COL23A1: variants seen among roughly 807,000 people sequenced by gnomAD.
The protein encoded by COL23A1 is collagen alpha-1(XXIII) chain.
Under a neutral mutation model 99.3 loss-of-function variants are expected in COL23A1, and 97 were observed. That is an observed-to-expected ratio of 0.98 (90% CI 0.83 to 1.16). COL23A1 has a LOEUF of 1.16. COL23A1 is among the 50% of genes most tolerant of loss of function. COL23A1 has a pLI of 0.00. For synonymous variants in COL23A1, 320 were observed against 308.2 expected, an observed-to-expected ratio of 1.04 and a Z score of -0.40; for missense variants, 762 against 757.4, an observed-to-expected ratio of 1.01 and a Z score of -0.07.
chr5:178,282,883 T>G (rs1217575436), intron 5 of COL23A1, among the ~76,000 whole-genome samples: 5 of 152,016 alleles, frequency 3.3e-5, no homozygotes, highest in Admixed American at 6.6e-5. Context: ...CTTTTTTTTT[T>G]GAGACATGGT....
At chr5:178,345,231 A>G (rs1760893671) in intron 2 of COL23A1, 6 of 855,470 alleles carry the variant, frequency 7.0e-6, no homozygotes, top group Non-Finnish European at 1.1e-5. Context: ...CTTGATTTCT[A>G]TAATGTCCCT....
At chr5:178,312,022 C>T (rs543226885) in intron 2 of COL23A1, among the ~76,000 whole-genome samples, 13 of 152,280 alleles carry the variant, frequency 8.5e-5, no homozygotes, top group Admixed American at 7.2e-4. Context: ...TGGGCTACCG[C>T]GCCCGGCCTG....
At chr5:178,374,474 C>A (rs1017967376) in intron 2 of COL23A1, among the ~76,000 whole-genome samples, 1 of 152,200 alleles carries the variant, frequency 6.6e-6, no homozygotes, top group African/African-American at 2.4e-5. Context: ...TTTTTGAGTG[C>A]GGTTAAAATC....
chr5:178,464,890 C>G (rs1462581737), intron 2 of COL23A1, among the ~76,000 whole-genome samples: 2 of 152,206 alleles, frequency 1.3e-5, no homozygotes, highest in African/African-American at 4.8e-5. Context: ...CAAGGTCACA[C>G]AGTGGCTCTG....
intron 11 of COL23A1, among the ~76,000 whole-genome samples, chr5:178,260,130 G>C (rs527384257): frequency 6.6e-6 from 1 of 152,192 alleles, no homozygotes; most frequent in East Asian, 1.9e-4. Flanking sequence ...CAAAGAGGGC[G>C]AAAATGAAAG....
intron 3 of COL23A1, among the ~76,000 whole-genome samples, chr5:178,299,785 GCT>G (rs1199429991): frequency 2.0e-5 from 3 of 151,582 alleles, no homozygotes; most frequent in Non-Finnish European, 4.4e-5. Context: ...ACTGAGACTG[GCT>G]CTGTCACCCA....
chr5:178,363,677 C>T (rs1213939978), intron 2 of COL23A1, among the ~76,000 whole-genome samples: 2 of 152,226 alleles, frequency 1.3e-5, no homozygotes, highest in African/African-American at 2.4e-5. Context: ...GCCACAGAGC[C>T]GATGGCTGCT....
intron 2 of COL23A1, among the ~76,000 whole-genome samples, chr5:178,496,755 T>A (rs903815185): frequency 3.9e-5 from 6 of 152,108 alleles, no homozygotes; most frequent in Non-Finnish European, 7.4e-5. Context: ...TCCTGGCAGC[T>A]TGGGCAAAAA....
chr5:178,345,246 A>C, intron 2 of COL23A1: 1 of 789,610 alleles, frequency 1.3e-6, no homozygotes, highest in Non-Finnish European at 2.1e-6. Context: ...GTCCCTATTC[A>C]AGACAGACCT....
intron 1 of COL23A1, among the ~76,000 whole-genome samples, chr5:178,568,539 CCTCT>C (rs10563301): frequency 0.31 from 46,295 of 151,750 alleles, 7,338 homozygotes; most frequent in African/African-American, 0.4. Flanking sequence ...ACAATCACCC[CCTCT>C]ATTTTCAAAA....
intron 2 of COL23A1, among the ~76,000 whole-genome samples, chr5:178,342,932 C>T (rs1045049318): frequency 1.2e-4 from 19 of 152,170 alleles, no homozygotes; most frequent in Admixed American, 1.0e-3. Flanking sequence ...GAGAACATGA[C>T]GAAGGAGCAA....
At chr5:178,564,401 C>G (rs1476479407) in intron 1 of COL23A1, among the ~76,000 whole-genome samples, 1 of 151,852 alleles carries the variant, frequency 6.6e-6, no homozygotes, top group Admixed American at 6.6e-5. Context: ...ACAATCTTTA[C>G]TTCATGCTCT....
rs1013665934 is a variant in COL23A1 at position 178,434,047 on chromosome 5, C to T, written c.361+126635G>A. ...CACACCTTGATCTCAGAGCTCCAGC[C>T]TCCGGGCCTGAGAAAATAAATGTCC... is the stretch of plus-strand genomic sequence containing the variant. On this transcript the variant is annotated intron_variant, in intron 2 of 28. Coordinates refer to ENST00000390654, the MANE Select transcript of COL23A1 (RefSeq NM_173465.4). This position sits in a 1 kb window ranked among gnomAD's most constrained non-coding sequence, Gnocchi z 4.3. Among the ~76,000 whole-genome samples, 1 of 152,196 alleles carries T rather than the reference C, an allele frequency of 6.6e-6. No homozygotes were observed. Among genetic ancestry groups the T allele is most frequent in the Admixed American group, 6.5e-5 (1 of 15,272 alleles).
chr5:178,315,957 C>T (rs1449929372), intron 2 of COL23A1, among the ~76,000 whole-genome samples: 2 of 151,960 alleles, frequency 1.3e-5, no homozygotes, highest in East Asian at 1.9e-4. Context: ...TTTTATTCAC[C>T]TACTTTTTAA....
At chr5:178,290,488 G>A in intron 3 of COL23A1, 119 bp from the exon 4 acceptor site, 1 of 1,293,588 alleles carries the variant, frequency 7.7e-7, no homozygotes, top group Non-Finnish European at 1.1e-6. Context: ...TCCCCGGAAG[G>A]CTTTGATGCT....
intron 2 of COL23A1, among the ~76,000 whole-genome samples, chr5:178,512,743 C>T (rs1759280612): frequency 6.6e-6 from 1 of 152,190 alleles, no homozygotes; most frequent in African/African-American, 2.4e-5. Context: ...GACATTCTCA[C>T]GCCCCCTTCC....
chr5:178,435,521 C>T (rs528275913), intron 2 of COL23A1, among the ~76,000 whole-genome samples: 7 of 152,334 alleles, frequency 4.6e-5, no homozygotes, highest in African/African-American at 1.7e-4. Context: ...GCCATGGTGG[C>T]GTTCCATCCC....
chr5:178,342,430 C>T (rs1390560637), intron 2 of COL23A1, among the ~76,000 whole-genome samples: 4 of 152,224 alleles, frequency 2.6e-5, no homozygotes, highest in African/African-American at 7.2e-5. Flanking sequence ...AAGGTGGCCT[C>T]ACAGGCTGGC....
intron 1 of COL23A1, chr5:178,562,733 T>TTGGGGGGGGGGGG (rs1554197562): frequency 1.0e-5 from 1 of 97,662 alleles, no homozygotes; most frequent in African/African-American, 6.8e-5. Context: ...CGCTGGCTGG[T>TTGGGGGGGGGGGG]GGTGGGGGGG....
Sources: gnomAD v4.1 joint callset for allele counts (sites outside exome capture counted in the v4.1 genomes callset) on GRCh38, gnomAD v4.1.1 for gene constraint, Gnocchi (gnomAD v3.1) non-coding constraint, MANE v1.5 for transcripts, NCBI Gene and HGNC (gene_info 2026-07-23, HGNC 2026-07-21) for gene names.